Variants in ADAMTS2 observed in about 807,000 individuals in gnomAD.
ADAMTS2 encodes the protein A disintegrin and metalloproteinase with thrombospondin motifs 2.
ADAMTS2 carries 50 observed loss-of-function variants against 123.0 expected under a neutral mutation model. That is an observed-to-expected ratio of 0.41 (90% CI 0.32 to 0.51). The LOEUF (loss-of-function observed/expected upper bound fraction) is 0.51. Ranked by LOEUF, ADAMTS2 falls within the 20% of genes least tolerant of loss-of-function variation. ADAMTS2 has a pLI of 0.35. For synonymous variants in ADAMTS2, 678 were observed against 695.4 expected (o/e 0.98, Z 0.39); for missense variants, 1,494 against 1,705.2 (o/e 0.88, Z 2.18).
At position 179,308,418 on chromosome 5, in the gene ADAMTS2, G is replaced by A. The variant is rs1013888748; in HGVS notation, c.534+35349C>T. The stretch of plus-strand genomic sequence containing the variant: ...ACGCACGCCAGCTGGAAGGGGAGCC[G>A]CGCAGCCCCTGGGCAGGCTGAGGAC... On this transcript the variant is annotated intron_variant, in intron 2 of 21. Transcript: ENST00000251582. The surrounding 1 kb of genome is among the most constrained non-coding windows in gnomAD (Gnocchi z 6.6). Among the ~76,000 whole-genome samples the A allele has an allele frequency of 1.3e-5, 2 of 152,140 alleles. No homozygotes were observed. Among genetic ancestry groups the A allele is most frequent in the South Asian group, 2.1e-4 (1 of 4,824 alleles).
intron 10 of ADAMTS2, among the ~76,000 whole-genome samples, chr5:179,147,849 A>G (rs140047896): frequency 2.3e-3 from 353 of 152,346 alleles, no homozygotes; most frequent in African/African-American, 8.2e-3. Context: ...AATTGTATCA[A>G]TGAGAAGCAG....
chr5:179,157,487 T>C (rs1763496689), intron 6 of ADAMTS2, among the ~76,000 whole-genome samples: 1 of 152,046 alleles, frequency 6.6e-6, no homozygotes, highest in Non-Finnish European at 1.5e-5. Context: ...ATTAGGTGCG[T>C]CTTGATATTT....
chr5:179,267,139 C>A (rs568412714), intron 3 of ADAMTS2, among the ~76,000 whole-genome samples: 1 of 152,074 alleles, frequency 6.6e-6, no homozygotes, highest in South Asian at 2.1e-4. Flanking sequence ...GCCCACTCTT[C>A]CCCCAGGATC....
Position 179,185,436 on chromosome 5 carries a change from C to A in ADAMTS2, c.892-4281G>T, listed in dbSNP as rs779461135. Reference sequence around the variant, plus strand: ...TCCCACAGGGCGGAGGGAGGAGATGCGGGGCTGGCCCTCTCCTGGCTCCTG... The same window carrying A: ...TCCCACAGGGCGGAGGGAGGAGATGAGGGGCTGGCCCTCTCCTGGCTCCTG... On this transcript the variant is annotated intron_variant, in intron 4 of 21. Transcript: ENST00000251582. The surrounding 1 kb of genome is among the most constrained non-coding windows in gnomAD (Gnocchi z 5.9). Among the ~76,000 whole-genome samples the A allele has an allele frequency of 1.3e-5, 2 of 152,070 alleles. No individual in the cohort carries two copies. Among genetic ancestry groups the A allele is most frequent in the African/African-American group, 4.8e-5 (2 of 41,414 alleles).
At chr5:179,318,424 G>A (rs1029861046) in intron 2 of ADAMTS2, among the ~76,000 whole-genome samples, 5 of 151,896 alleles carry the variant, frequency 3.3e-5, no homozygotes, top group South Asian at 2.1e-4. Context: ...GATGCCGGGC[G>A]GGGCGGGGAC....
intron 5 of ADAMTS2, among the ~76,000 whole-genome samples, chr5:179,179,971 T>G (rs1321802256): frequency 6.6e-6 from 1 of 152,226 alleles, no homozygotes; most frequent in Non-Finnish European, 1.5e-5. Context: ...GCTCGAATTC[T>G]GCTGTCTGGG....
In ADAMTS2 at chr5:179,225,511, A is replaced by T. The variant is rs1037203907; in HGVS notation, c.689-17796T>A. 6.6e-6 allele frequency among the ~76,000 whole-genome samples: 1 copy of T among 152,164 alleles called. No homozygotes were observed. Among genetic ancestry groups the T allele is most frequent in the Non-Finnish European group, 1.5e-5 (1 of 68,020 alleles). ...TCCACCATGTCCCCATCCTGTGCCT[A>T]TAAAAACCCGAGACCCTAACAGGCA... On this transcript the variant is annotated intron_variant, in intron 3 of 21. Coordinates refer to ENST00000251582, the MANE Select transcript of ADAMTS2 (RefSeq NM_014244.5). The surrounding 1 kb of genome is among the most constrained non-coding windows in gnomAD (Gnocchi z 4.5).
chr5:179,152,490 GCACAC>G lies in ADAMTS2; in HGVS notation c.1516-240_1516-236del. ...TCTCTGCCTCCAGTCTTTGGAGGCTGCACACCTCAGGGAGCCTGGCGGGCAGCTGG... is the reference window on the plus strand; with the variant it reads ...TCTCTGCCTCCAGTCTTTGGAGGCTGCTCAGGGAGCCTGGCGGGCAGCTGG... On this transcript the variant is annotated intron_variant, in intron 9 of 21. Transcript: ENST00000251582. 1.3e-5 allele frequency among the ~76,000 whole-genome samples: 2 copies of G among 152,286 alleles called. 1 individual carries two copies. Among genetic ancestry groups the G allele is most frequent in the South Asian group, 4.1e-4 (2 of 4,822 alleles).
In ADAMTS2 at chr5:179,207,725, G is replaced by A. The variant is rs761165003; in HGVS notation, c.689-10C>T. On this transcript the variant is annotated splice_polypyrimidine_tract_variant and intron_variant, in intron 3 of 21. Transcript: ENST00000251582. ...CTGTCCAGGGAGGCCCCTGCAAGGA[G>A]AGGACACCGTCTTCAGCGGCAGGGC... is the stretch of plus-strand genomic sequence containing the variant. 1.9e-6 allele frequency: 3 copies of A among 1,609,044 alleles called. No homozygotes were observed. Among genetic ancestry groups the A allele is most frequent in the South Asian group, 2.2e-5 (2 of 91,076 alleles).
intron 4 of ADAMTS2, among the ~76,000 whole-genome samples, chr5:179,204,540 G>C (rs570046418): frequency 6.6e-6 from 1 of 152,332 alleles, no homozygotes. Context: ...GCACAGCAGG[G>C]CTCTGGAAGG....
rs778841966 is a variant in ADAMTS2, at chr5:179,152,247, G to A, written c.1524C>T (p.Thr508=). Reference sequence around the variant, plus strand: ...ACCACAGCTGCTTGCAGGGGTCAAAGGTCCGGAACTGGAAGACAGCACCAT... The same window carrying A: ...ACCACAGCTGCTTGCAGGGGTCAAAAGTCCGGAACTGGAAGACAGCACCAT... ...LGYMMCTAFR[T]FDPCKQLWCS... Residue 508 remains threonine (T), a synonymous_variant, in exon 10 of 22, where the codon ACC becomes ACT. Transcript: ENST00000251582. The A allele has an allele frequency of 6.2e-7, 1 of 1,613,868 alleles. No individual in the cohort carries two copies. The highest frequency in any genetic ancestry group is 8.5e-7 in the Non-Finnish European group (1 of 1,179,906).
chr5:179,147,496 A>G (rs1581152304), intron 10 of ADAMTS2, among the ~76,000 whole-genome samples: 1 of 152,300 alleles, frequency 6.6e-6, no homozygotes, highest in East Asian at 1.9e-4. Flanking sequence ...ACAAACCTAA[A>G]AATCAAACAA....
chr5:179,200,897 T>C (rs1032360297), intron 4 of ADAMTS2, among the ~76,000 whole-genome samples: 1 of 152,146 alleles, frequency 6.6e-6, no homozygotes, highest in African/African-American at 2.4e-5. Context: ...TCTACTTAAG[T>C]ACACAGACTC....
rs1763616910 is a variant in ADAMTS2 at position 179,162,600 on chromosome 5, C to T, written c.976-3721G>A. On this transcript the variant is annotated intron_variant, in intron 5 of 21. Transcript: ENST00000251582. This position sits in a 1 kb window ranked among gnomAD's most constrained non-coding sequence, Gnocchi z 5.1. ...CGTCACCCATGTCAGCTTTACCCCA[C>T]ACGGTCGCCCCTGCTCGAGGGACCC... Among the ~76,000 whole-genome samples the T allele has an allele frequency of 6.6e-6, 1 of 152,190 alleles. No individual in the cohort carries two copies. Among genetic ancestry groups the T allele is most frequent in the Non-Finnish European group, 1.5e-5 (1 of 68,038 alleles).
intron 2 of ADAMTS2, among the ~76,000 whole-genome samples, chr5:179,320,522 T>C (rs1757139110): frequency 2.0e-5 from 3 of 151,582 alleles, no homozygotes; most frequent in Admixed American, 1.3e-4. Flanking sequence ...GTTTCACCAT[T>C]TTAGCCAGGA....
chr5:179,209,475 C>T (rs186356118), intron 3 of ADAMTS2, among the ~76,000 whole-genome samples: 1 of 152,264 alleles, frequency 6.6e-6, no homozygotes, highest in Non-Finnish European at 1.5e-5. Context: ...GGTCCTTGTG[C>T]CACCCCCAGC....
intron 2 of ADAMTS2, among the ~76,000 whole-genome samples, chr5:179,275,901 G>A (rs149052316): frequency 2.0e-5 from 3 of 152,332 alleles, no homozygotes; most frequent in East Asian, 3.9e-4. Flanking sequence ...ATTCTCCGAG[G>A]GGCATGAGAA....
At position 179,132,302 on chromosome 5, in the gene ADAMTS2, T is replaced by C. The variant is rs946826671; in HGVS notation, c.2218A>G (p.Lys740Glu). The stretch of plus-strand genomic sequence containing the variant: ...GCTCCTGCAGGGATCTCAAACATCT[T>C]GATGTAACCTTTTTTTGATGTGGAA... Reference protein sequence around the residue: ...TRSPKKHGYIKMFEIPAGARH... With the variant: ...TRSPKKHGYIEMFEIPAGARH... The change falls in exon 15 of 22, where the codon AAG becomes GAG. Residue 740 changes from lysine to glutamate, a missense_variant. Lys to Glu is a moderately conservative substitution (Grantham distance 56). Around this residue, in one of 6 missense-constraint regions of ADAMTS2, gnomAD observed 953 missense variants for 1,124.7 expected, o/e 0.85. Transcript: ENST00000251582. This position sits in a 1 kb window ranked among gnomAD's most constrained non-coding sequence, Gnocchi z 6.1. The C allele has an allele frequency of 2.5e-6, 4 of 1,614,114 alleles. No homozygotes were observed. The highest frequency in any genetic ancestry group is 1.7e-5 in the Admixed American group (1 of 60,030).
rs892582070 is a variant in ADAMTS2, at chr5:179,202,531, C to T, written c.891+4982G>A. 1.3e-5 allele frequency among the ~76,000 whole-genome samples: 2 copies of T among 152,200 alleles called. No homozygotes were observed. Among genetic ancestry groups the T allele is most frequent in the Admixed American group, 6.5e-5 (1 of 15,278 alleles). On this transcript the variant is annotated intron_variant, in intron 4 of 21. Transcript: ENST00000251582. This position sits in a 1 kb window ranked among gnomAD's most constrained non-coding sequence, Gnocchi z 4.0. ...CTTCAGTATCGTCTGTGCCTCCCTT[C>T]CCAGAATGCAAGGTAGCAGGGTTAC...
Sources: gnomAD v4.1 joint callset for allele counts (sites outside exome capture counted in the v4.1 genomes callset) on GRCh38, gnomAD v4.1.1 for gene constraint, gnomAD v4.1.1 regional missense constraint, Gnocchi (gnomAD v3.1) non-coding constraint, MANE v1.5 for transcripts, NCBI Gene and HGNC (gene_info 2026-07-23, HGNC 2026-07-21) for gene names.